KCNB2: variants seen among roughly 807,000 people sequenced by gnomAD.
KCNB2 encodes delayed rectifier potassium channel protein.
KCNB2 carries 15 observed loss-of-function variants against 61.5 expected under a neutral mutation model. That is an observed-to-expected ratio of 0.24 (90% CI 0.16 to 0.38). The LOEUF (loss-of-function observed/expected upper bound fraction) is 0.38, where lower values mean the gene tolerates loss of function less well. Ranked by LOEUF, KCNB2 falls within the 10% of genes least tolerant of loss-of-function variation. The probability of loss-of-function intolerance (pLI) is 1.00; values close to 1 mark genes in which losing one functional copy is unlikely to be tolerated. For missense variants in KCNB2, 828 were observed against 1,125.2 expected, an observed-to-expected ratio of 0.74 and a Z score of 3.78; for synonymous variants, 457 against 446.0, an observed-to-expected ratio of 1.02 and a Z score of -0.31.
At chr8:72,794,376 C>T (rs755661919) in intron 2 of KCNB2, among the ~76,000 whole-genome samples, 1 of 151,812 alleles carries the variant, frequency 6.6e-6, no homozygotes, top group Non-Finnish European at 1.5e-5. Context: ...ACCATCTTGG[C>T]CAACATGGTG....
At chr8:72,733,017 C>A (rs1384120600) in intron 2 of KCNB2, among the ~76,000 whole-genome samples, 1 of 151,086 alleles carries the variant, frequency 6.6e-6, no homozygotes, top group Non-Finnish European at 1.5e-5. Context: ...CAGATAAATG[C>A]ATGAAAAGAT....
intron 2 of KCNB2, among the ~76,000 whole-genome samples, chr8:72,665,243 G>T (rs1042331608): frequency 1.3e-5 from 2 of 152,166 alleles, no homozygotes; most frequent in Non-Finnish European, 2.9e-5. Context: ...AGAGGACCAC[G>T]GTCTTTGCTG....
chr8:72,693,958 G>A lies in KCNB2; in HGVS notation c.579+125645G>A, dbSNP rs141751450. On this transcript the variant is annotated intron_variant, in intron 2 of 2. Transcript: ENST00000523207. ...ACTACAGGAACACTTATATCAAATC[G>A]AACACGATTCCAAATATAATATAGA... Among the ~76,000 whole-genome samples the A allele has an allele frequency of 2.1e-3, 322 of 152,032 alleles. 3 individuals are homozygous for A. The highest frequency in any genetic ancestry group is 7.3e-3 in the African/African-American group (301 of 41,466).
In KCNB2 at chr8:72,936,802, G is replaced by C; in HGVS notation, c.1447G>C (p.Asp483His). The stretch of plus-strand genomic sequence containing the variant: ...GTCCGCCAACACAAAGGACTCCGCC[G>C]ACGATAATCACCTGTCGCCAAGCCG... ...GESANTKDSA[D>H]DNHLSPSRWK... is the part of the protein sequence containing the mutation. Residue 483 changes from aspartate (D) to histidine (H), a missense_variant, in exon 3 of 3, where the codon GAC becomes CAC. Asp to His is a moderately conservative substitution (Grantham distance 81, BLOSUM62 -1). Transcript: ENST00000523207. This position sits in a 1 kb window ranked among gnomAD's most constrained non-coding sequence, Gnocchi z 5.6. 1 of 1,614,114 alleles carries C rather than the reference G, an allele frequency of 6.2e-7. No homozygotes were observed. The highest frequency in any genetic ancestry group is 8.5e-7 in the Non-Finnish European group (1 of 1,180,010).
At chr8:72,562,373 C>T (rs911402220) in intron 1 of KCNB2, among the ~76,000 whole-genome samples, 1 of 152,138 alleles carries the variant, frequency 6.6e-6, no homozygotes, top group Non-Finnish European at 1.5e-5. Flanking sequence ...CGGGTGGCAG[C>T]ATAATGCCAC....
intron 2 of KCNB2, among the ~76,000 whole-genome samples, chr8:72,586,778 C>A (rs1455343427): frequency 6.6e-6 from 1 of 152,108 alleles, no homozygotes; most frequent in Admixed American, 6.6e-5. Flanking sequence ...TTGTAAACAA[C>A]CCTCGAAAAA....
At chr8:72,717,544 CA>C (rs1807467287) in intron 2 of KCNB2, among the ~76,000 whole-genome samples, 1 of 151,990 alleles carries the variant, frequency 6.6e-6, no homozygotes, top group Non-Finnish European at 1.5e-5. Flanking sequence ...ACAAACCTGA[CA>C]AAAACAAGCA....
In KCNB2 at chr8:72,713,202, C is replaced by T. The variant is rs920620320; in HGVS notation, c.579+144889C>T. On this transcript the variant is annotated intron_variant, in intron 2 of 2. Coordinates refer to ENST00000523207, the MANE Select transcript of KCNB2 (RefSeq NM_004770.3). The stretch of plus-strand genomic sequence containing the variant: ...TGGGGCCCACCAAAGATCAAGGAGG[C>T]CTGCTTGCCTCTGTAGGCTCCACCT... 2.0e-5 allele frequency among the ~76,000 whole-genome samples: 3 copies of T among 152,254 alleles called. 1 individual carries two copies. The highest frequency in any genetic ancestry group is 4.4e-5 in the Non-Finnish European group (3 of 68,048).
intron 2 of KCNB2, among the ~76,000 whole-genome samples, chr8:72,773,081 A>G (rs1400462593): frequency 6.6e-6 from 1 of 152,110 alleles, no homozygotes; most frequent in Non-Finnish European, 1.5e-5. Flanking sequence ...CCATCCTCTC[A>G]ATTGGCCAGA....
intron 2 of KCNB2, chr8:72,751,832 C>T (rs1218312594): frequency 6.6e-6 from 1 of 152,154 alleles, no homozygotes; most frequent in African/African-American, 2.4e-5. Context: ...ACACATATGC[C>T]CATACACACA....
At chr8:72,597,090 C>T (rs1337393639) in intron 2 of KCNB2, among the ~76,000 whole-genome samples, 1 of 139,060 alleles carries the variant, frequency 7.2e-6, no homozygotes, top group East Asian at 2.4e-4. Context: ...GTGGCACGAT[C>T]TCGGCTCACT....
chr8:72,756,676 T>C (rs544618328), intron 2 of KCNB2, among the ~76,000 whole-genome samples: 2 of 152,294 alleles, frequency 1.3e-5, no homozygotes, highest in Admixed American at 1.3e-4. Context: ...TTGGTCTAGC[T>C]ATAGCCTCTG....
At chr8:72,826,343 G>A (rs960994257) in intron 2 of KCNB2, among the ~76,000 whole-genome samples, 2 of 152,164 alleles carry the variant, frequency 1.3e-5, no homozygotes, top group Admixed American at 1.3e-4. Context: ...GCAGTAGCAG[G>A]TCTACATGTT....
At chr8:72,617,438 C>G (rs1805636969) in intron 2 of KCNB2, among the ~76,000 whole-genome samples, 1 of 152,138 alleles carries the variant, frequency 6.6e-6, no homozygotes, top group Non-Finnish European at 1.5e-5. Context: ...ATCAGATGTT[C>G]TGCCTTCTCC....
chr8:72,818,510 T>A (rs1809442250), intron 2 of KCNB2, among the ~76,000 whole-genome samples: 1 of 152,166 alleles, frequency 6.6e-6, no homozygotes, highest in South Asian at 2.1e-4. Flanking sequence ...CTTCATACAC[T>A]GCTATTTTAA....
chr8:72,698,929 A>G (rs1193184909), intron 2 of KCNB2, among the ~76,000 whole-genome samples: 1 of 152,168 alleles, frequency 6.6e-6, no homozygotes, highest in Admixed American at 6.6e-5. Context: ...AAACCTAGGA[A>G]AAACCATGCC....
rs746620630 is a variant in KCNB2, at chr8:72,902,840, T to A, written c.580-33095T>A. Among the ~76,000 whole-genome samples, 7 of 152,170 alleles carry A rather than the reference T, an allele frequency of 4.6e-5. No individual in the cohort carries two copies. The South Asian group carries it at 1.0e-3, about 22-fold the overall frequency. On this transcript the variant is annotated intron_variant, in intron 2 of 2. Coordinates refer to ENST00000523207, the MANE Select transcript of KCNB2 (RefSeq NM_004770.3). The stretch of plus-strand genomic sequence containing the variant: ...AGGAAAATTGGCATATTTCTTTCCC[T>A]GCATCTTATTTTTCCTCCATCTGTG...
chr8:72,633,444 C>T (rs1453652758), intron 2 of KCNB2, among the ~76,000 whole-genome samples: 1 of 152,146 alleles, frequency 6.6e-6, no homozygotes. Context: ...TTAACTACAC[C>T]TCCAAAGTGC....
At chr8:72,616,344 C>A (rs950133175) in intron 2 of KCNB2, among the ~76,000 whole-genome samples, 1 of 152,152 alleles carries the variant, frequency 6.6e-6, no homozygotes, top group African/African-American at 2.4e-5. Context: ...TGGAAGCTAA[C>A]AACAAAACAG....
Sources: gnomAD v4.1 joint callset for allele counts (sites outside exome capture counted in the v4.1 genomes callset) on GRCh38, gnomAD v4.1.1 for gene constraint, Gnocchi (gnomAD v3.1) non-coding constraint, MANE v1.5 for transcripts, NCBI Gene and HGNC (gene_info 2026-07-23, HGNC 2026-07-21) for gene names.